LRP2: variants seen among roughly 807,000 people sequenced by gnomAD.
The protein encoded by LRP2 is LDL receptor related protein 2, also known as low-density lipoprotein receptor-related protein 2.
A neutral mutation model predicts 531.0 loss-of-function variants in LRP2; 172 were observed. That is an observed-to-expected ratio of 0.32 (90% CI 0.29 to 0.37). The LOEUF (loss-of-function observed/expected upper bound fraction) is 0.37. Ranked by LOEUF, LRP2 falls within the 10% of genes least tolerant of loss-of-function variation. LRP2 has a pLI of 1.00. For synonymous variants in LRP2, 1,992 were observed against 2,027.6 expected, an observed-to-expected ratio of 0.98 and a Z score of 0.47; for missense variants, 5,167 against 5,868.3, an observed-to-expected ratio of 0.88 and a Z score of 3.90.
At chr2:169,147,127 C>T (rs1042375070) in intron 68 of LRP2, among the ~76,000 whole-genome samples, 168 bp from the exon 69 acceptor site, 5 of 152,158 alleles carry the variant, frequency 3.3e-5, no homozygotes, top group South Asian at 2.1e-4. Context: ...AAAATAGGGG[C>T]GCAAGAGCAC....
intron 41 of LRP2, among the ~76,000 whole-genome samples, chr2:169,204,929 T>C (rs577202308): frequency 1.2e-4 from 18 of 151,820 alleles, no homozygotes; most frequent in Non-Finnish European, 2.1e-4. Flanking sequence ...AAAATTAGAG[T>C]TGACAAAAGG....
At chr2:169,333,664 C>T (rs1282302968) in intron 1 of LRP2, among the ~76,000 whole-genome samples, 1 of 152,126 alleles carries the variant, frequency 6.6e-6, no homozygotes, top group Non-Finnish European at 1.5e-5. Context: ...CAAATCATTG[C>T]CTTGTAAATC....
intron 15 of LRP2, among the ~76,000 whole-genome samples, chr2:169,272,093 CA>C (rs1385211678): frequency 2.0e-5 from 3 of 152,068 alleles, no homozygotes; most frequent in Non-Finnish European, 2.9e-5. Context: ...AAGAAGTTAA[CA>C]AATGTGTCTG....
At chr2:169,130,854 A>G (rs1359713276) in intron 77 of LRP2, among the ~76,000 whole-genome samples, 1 of 152,190 alleles carries the variant, frequency 6.6e-6, no homozygotes, top group Non-Finnish European at 1.5e-5. Context: ...AAGAGAAAGA[A>G]AGGACTACAA....
intron 1 of LRP2, among the ~76,000 whole-genome samples, chr2:169,354,120 A>G (rs1423844709): frequency 6.6e-6 from 1 of 152,246 alleles, no homozygotes; most frequent in African/African-American, 2.4e-5. Context: ...CAAATCACTG[A>G]CAGTATAAGA....
chr2:169,348,735 G>C (rs1685762651), intron 1 of LRP2, among the ~76,000 whole-genome samples: 2 of 152,168 alleles, frequency 1.3e-5, no homozygotes, highest in South Asian at 4.1e-4. Context: ...CAAGTATCTG[G>C]GATGGAAGTT....
At chr2:169,172,977 A>T (rs1687058444) in intron 57 of LRP2, 119 bp downstream of exon 57, 1 of 1,354,932 alleles carries the variant, frequency 7.4e-7, no homozygotes, top group African/African-American at 1.4e-5. Flanking sequence ...CCATTTTTTT[A>T]CAGAGGTAAA....
intron 20 of LRP2, 56 bp downstream of exon 20, chr2:169,247,322 T>C: frequency 6.3e-7 from 1 of 1,589,988 alleles, no homozygotes; most frequent in South Asian, 1.1e-5. Flanking sequence ...GGAGCCACTG[T>C]AACAAATAAA....
At chr2:169,224,275 TCTC>T (rs531600902) in intron 33 of LRP2, among the ~76,000 whole-genome samples, 2 of 152,238 alleles carry the variant, frequency 1.3e-5, no homozygotes, top group South Asian at 2.1e-4. Context: ...TCCAAAAACT[TCTC>T]CTTGTTTTGG....
At chr2:169,292,910 A>T (rs2105470262) in intron 6 of LRP2, among the ~76,000 whole-genome samples, 1 of 152,264 alleles carries the variant, frequency 6.6e-6, no homozygotes, top group East Asian at 1.9e-4. Flanking sequence ...AAATGCAGAC[A>T]AAGATGCTGC....
intron 48 of LRP2, 43 bp from the exon 49 acceptor site, chr2:169,188,308 T>C (rs201655734): frequency 4.1e-4 from 648 of 1,594,666 alleles, no homozygotes; most frequent in Admixed American, 1.9e-3. Flanking sequence ...AGGTTGGCAA[T>C]AAACCTCAAC....
intron 34 of LRP2, among the ~76,000 whole-genome samples, chr2:169,216,647 T>C (rs1688807660): frequency 6.6e-6 from 1 of 152,178 alleles, no homozygotes; most frequent in East Asian, 1.9e-4. Flanking sequence ...TAGAGGCCAC[T>C]TAAAATGGTG....
chr2:169,320,563 A>G (rs927847625), intron 2 of LRP2, among the ~76,000 whole-genome samples: 8 of 152,236 alleles, frequency 5.3e-5, no homozygotes, highest in African/African-American at 1.2e-4. Context: ...CTGATGCTCT[A>G]TCATCAATGT....
At chr2:169,168,018 A>AATATAGATATAT (rs1686846622) in intron 61 of LRP2, among the ~76,000 whole-genome samples, 1 of 68,186 alleles carries the variant, frequency 1.5e-5, no homozygotes, top group Non-Finnish European at 2.9e-5. Flanking sequence ...CAGGGTTTAA[A>AATATAGATATAT]ATATATATAT....
intron 76 of LRP2, among the ~76,000 whole-genome samples, chr2:169,133,683 G>GT (rs1685373697): frequency 1.3e-5 from 2 of 152,228 alleles, no homozygotes; most frequent in Non-Finnish European, 2.9e-5. Flanking sequence ...TTGACAAGCA[G>GT]TAAAAGTGGC....
chr2:169,339,927 C>T (rs831034), intron 1 of LRP2, among the ~76,000 whole-genome samples: 14,265 of 152,118 alleles, frequency 0.094, 765 homozygotes, highest in African/African-American at 0.13. Context: ...AGAGAATAAG[C>T]AATATTTTAA....
At chr2:169,269,298 C>G (rs1246336278) in intron 16 of LRP2, among the ~76,000 whole-genome samples, 1 of 152,180 alleles carries the variant, frequency 6.6e-6, no homozygotes, top group Non-Finnish European at 1.5e-5. Context: ...ATTGCCAAGA[C>G]AATCCTAAGC....
At chr2:169,243,977 G>A (rs1164925675) in intron 22 of LRP2, among the ~76,000 whole-genome samples, 2 of 152,166 alleles carry the variant, frequency 1.3e-5, no homozygotes, top group Non-Finnish European at 2.9e-5. Flanking sequence ...AAAAACCAGG[G>A]TCCTACCTTA....
chr2:169,269,363 G>T (rs559770977), intron 16 of LRP2, among the ~76,000 whole-genome samples: 2 of 152,132 alleles, frequency 1.3e-5, no homozygotes, highest in African/African-American at 2.4e-5. Context: ...ATACTACAAG[G>T]CTACAGTAAC....
Sources: gnomAD v4.1 joint callset for allele counts (sites outside exome capture counted in the v4.1 genomes callset) on GRCh38, gnomAD v4.1.1 for gene constraint, MANE v1.5 for transcripts, NCBI Gene and HGNC (gene_info 2026-07-23, HGNC 2026-07-21) for gene names.